Variants in AGBL4 observed in about 807,000 individuals in gnomAD.
AGBL4 encodes the protein AGBL carboxypeptidase 4.
AGBL4 carries 58 observed loss-of-function variants against 66.4 expected under a neutral mutation model. The observed-to-expected ratio is 0.87, with a 90% CI of 0.71 to 1.09. The LOEUF (loss-of-function observed/expected upper bound fraction) is 1.09, where lower values mean the gene tolerates loss of function less well. Among genes scored for constraint, AGBL4 ranks in the 50% least tolerant of loss-of-function variants. The pLI is 0.00. For synonymous variants in AGBL4, 234 were observed against 222.9 expected, an observed-to-expected ratio of 1.05 and a Z score of -0.44; for missense variants, 579 against 631.0, an observed-to-expected ratio of 0.92 and a Z score of 0.88.
chr1:49,250,054 G>C (rs1264630043), intron 3 of AGBL4, among the ~76,000 whole-genome samples: 1 of 152,148 alleles, frequency 6.6e-6, no homozygotes, highest in Admixed American at 6.5e-5. Flanking sequence ...ATAGAATGCT[G>C]ATTACCAGAG....
At chr1:48,685,959 C>T (rs1281465217) in intron 6 of AGBL4, among the ~76,000 whole-genome samples, 1 of 152,178 alleles carries the variant, frequency 6.6e-6, no homozygotes, top group Non-Finnish European at 1.5e-5. Context: ...CAAAAGCCCT[C>T]TGAGTTAGGC....
chr1:48,693,217 G>A (rs904084721), intron 6 of AGBL4, among the ~76,000 whole-genome samples: 2 of 152,154 alleles, frequency 1.3e-5, no homozygotes, highest in Admixed American at 6.5e-5. Flanking sequence ...GCAGGGCTGG[G>A]TGTAGATTGA....
chr1:49,213,926 GC>G (rs904029621), intron 4 of AGBL4, among the ~76,000 whole-genome samples: 2 of 151,970 alleles, frequency 1.3e-5, no homozygotes, highest in African/African-American at 4.8e-5. Context: ...AGTTCCTGTG[GC>G]CCCCCAACCT....
intron 5 of AGBL4, among the ~76,000 whole-genome samples, chr1:49,012,246 G>T (rs1339385019): frequency 2.0e-5 from 3 of 152,094 alleles, no homozygotes; most frequent in African/African-American, 7.2e-5. Flanking sequence ...GGGTTTCAGA[G>T]CTAACTATCT....
At chr1:49,016,689 T>G (rs938066553) in intron 5 of AGBL4, among the ~76,000 whole-genome samples, 5 of 152,176 alleles carry the variant, frequency 3.3e-5, no homozygotes, top group African/African-American at 1.2e-4. Flanking sequence ...TTATTCAGGA[T>G]CTATAGTAGT....
chr1:49,526,093 C>CA (rs1017299328), intron 3 of AGBL4, among the ~76,000 whole-genome samples: 15 of 149,250 alleles, frequency 1.0e-4, no homozygotes, highest in African/African-American at 2.0e-4. Context: ...GACTCTGTCT[C>CA]AAAAAAAACA....
intron 3 of AGBL4, among the ~76,000 whole-genome samples, chr1:49,320,308 C>T (rs1645110602): frequency 6.6e-6 from 1 of 152,056 alleles, no homozygotes; most frequent in Non-Finnish European, 1.5e-5. Flanking sequence ...ATTTCTCTAG[C>T]TATGAGAGTA....
At chr1:49,514,228 T>C (rs1211481601) in intron 3 of AGBL4, among the ~76,000 whole-genome samples, 2 of 151,954 alleles carry the variant, frequency 1.3e-5, no homozygotes, top group East Asian at 1.9e-4. Flanking sequence ...TCCTGCCTGA[T>C]TGCCCTGGCC....
At chr1:48,909,971 C>G (rs906280065) in intron 5 of AGBL4, among the ~76,000 whole-genome samples, 2 of 152,164 alleles carry the variant, frequency 1.3e-5, no homozygotes, top group Non-Finnish European at 2.9e-5. Flanking sequence ...TTTTCAGACT[C>G]TCTCTCAGTA....
rs1167835143 is a variant in AGBL4 at position 50,019,306 on chromosome 1, T to TCTCTCACACACACACACA, written c.34+4456_34+4457insTGTGTGTGTGTGTGAGAG. On this transcript the variant is annotated intron_variant, in intron 1 of 13. Coordinates refer to ENST00000371839, the MANE Select transcript of AGBL4 (RefSeq NM_032785.4). ...CTCTCTCTCTCTCTCTCTCTCTCTC[T>TCTCTCACACACACACACA]CACACACACACACACACACACACAC... Among the ~76,000 whole-genome samples, 124 of 48,432 alleles carry TCTCTCACACACACACACA rather than the reference T, an allele frequency of 2.6e-3. 2 individuals carry two copies. Among genetic ancestry groups the TCTCTCACACACACACACA allele is most frequent in the Middle Eastern group, 0.017 (1 of 58 alleles). The allele number at this position is 48,432 out of a possible 152,430, so 31.8% of individuals were successfully genotyped here. A position where few individuals can be genotyped will look rare whatever the true frequency, so the allele number is the denominator to read the frequency against.
intron 12 of AGBL4, among the ~76,000 whole-genome samples, chr1:48,536,125 C>T (rs1332078926): frequency 6.6e-6 from 1 of 151,976 alleles, no homozygotes; most frequent in African/African-American, 2.4e-5. Flanking sequence ...AGAACATGGA[C>T]AAGGAAACAG....
rs150996192 is a variant in AGBL4 at position 49,765,154 on chromosome 1, C to T, written c.158-67717G>A. On this transcript the variant is annotated intron_variant, in intron 2 of 13. Transcript: ENST00000371839. ...TCCACCCCCCATGGAACAGGAAGCTCAGAGCTCCAGCCATTCCAAGGCTCG... is the reference window on the plus strand; with the variant it reads ...TCCACCCCCCATGGAACAGGAAGCTTAGAGCTCCAGCCATTCCAAGGCTCG... 2.5e-3 allele frequency among the ~76,000 whole-genome samples: 388 copies of T among 152,232 alleles called. 4 individuals carry two copies. Among genetic ancestry groups the T allele is most frequent in the African/African-American group, 9.1e-3 (378 of 41,542 alleles).
At chr1:48,773,594 C>G (rs947916919) in intron 6 of AGBL4, among the ~76,000 whole-genome samples, 4 of 152,176 alleles carry the variant, frequency 2.6e-5, no homozygotes, top group Non-Finnish European at 4.4e-5. Flanking sequence ...TGAAAACTTG[C>G]CTTGAGCTGT....
At chr1:49,501,594 CA>C (rs537658884) in intron 3 of AGBL4, among the ~76,000 whole-genome samples, 33 of 151,886 alleles carry the variant, frequency 2.2e-4, no homozygotes, top group African/African-American at 7.5e-4. Context: ...TTCAAAAAAC[CA>C]ACTCAGTTTC....
intron 3 of AGBL4, among the ~76,000 whole-genome samples, chr1:49,417,532 C>T (rs1367531212): frequency 6.6e-6 from 1 of 151,980 alleles, no homozygotes; most frequent in African/African-American, 2.4e-5. Flanking sequence ...CAAGGGAGGG[C>T]TAAAGTGGAT....
chr1:48,535,004 G>T, intron 12 of AGBL4, 88 bp from the exon 13 acceptor site: 1 of 1,276,616 alleles, frequency 7.8e-7, no homozygotes, highest in Non-Finnish European at 1.1e-6. Flanking sequence ...TGTCATTGAA[G>T]GATGTTGTTT....
chr1:49,513,803 A>C (rs1179332066), intron 3 of AGBL4, among the ~76,000 whole-genome samples: 1 of 151,968 alleles, frequency 6.6e-6, no homozygotes, highest in Non-Finnish European at 1.5e-5. Context: ...GGGTCAACTG[A>C]CTGCTTGACT....
intron 3 of AGBL4, among the ~76,000 whole-genome samples, chr1:49,690,715 C>A (rs1170876739): frequency 6.6e-6 from 1 of 152,086 alleles, no homozygotes; most frequent in African/African-American, 2.4e-5. Flanking sequence ...AATGACAGAG[C>A]AAATGAGAAC....
At chr1:49,671,096 C>T (rs1488824054) in intron 3 of AGBL4, among the ~76,000 whole-genome samples, 1 of 152,074 alleles carries the variant, frequency 6.6e-6, no homozygotes, top group Non-Finnish European at 1.5e-5. Context: ...TACTACAAAG[C>T]TACAGTAGCC....
Sources: allele counts gnomAD v4.1 joint callset (sites outside exome capture counted in the v4.1 genomes callset), GRCh38; gene constraint gnomAD v4.1.1; transcripts MANE v1.5; gene names NCBI Gene and HGNC (gene_info 2026-07-23, HGNC 2026-07-21).